The following PSMA1 variants were observed in gnomAD, a reference collection of about 807,000 sequenced individuals.
PSMA1 encodes the protein proteasome 20S subunit alpha 1.
Under a neutral mutation model 38.4 loss-of-function variants are expected in PSMA1, and 3 were observed. The observed-to-expected ratio is 0.08, with a 90% confidence interval of 0.04 to 0.20. The LOEUF (loss-of-function observed/expected upper bound fraction) is 0.20. PSMA1 is among the 10% of genes least tolerant of loss of function. The pLI, the probability that PSMA1 is intolerant of heterozygous loss-of-function variation, is 1.00. For missense variants in PSMA1, 227 were observed against 325.3 expected (o/e 0.70, Z 2.32); for synonymous variants, 101 against 107.1 (o/e 0.94, Z 0.35).
At chr11:14,559,117 G>A (rs1244530551) in intron 2 of PSMA1, among the ~76,000 whole-genome samples, 1 of 152,122 alleles carries the variant, frequency 6.6e-6, no homozygotes, top group Admixed American at 6.5e-5. Context: ...ATGACTCAGA[G>A]TTAGTGAGCA....
chr11:14,560,226 T>C (rs746205115), intron 2 of PSMA1, among the ~76,000 whole-genome samples: 4 of 152,224 alleles, frequency 2.6e-5, no homozygotes, highest in Non-Finnish European at 5.9e-5. Flanking sequence ...TGCTTTGTGT[T>C]GGATCTACTA....
At chr11:14,642,070 T>C (rs942613991) in intron 1 of PSMA1, among the ~76,000 whole-genome samples, 3 of 152,156 alleles carry the variant, frequency 2.0e-5, no homozygotes, top group Non-Finnish European at 4.4e-5. Flanking sequence ...CTACTTTAGA[T>C]GATAACTTCA....
chr11:14,520,989 C>G (rs1272165431), upstream of PSMA1, among the ~76,000 whole-genome samples: 1 of 152,178 alleles, frequency 6.6e-6, no homozygotes, highest in Non-Finnish European at 1.5e-5. Flanking sequence ...TTCCACCAGA[C>G]TTTGAACTCC....
At chr11:14,558,619 G>A (rs779633382) in intron 2 of PSMA1, among the ~76,000 whole-genome samples, 17 of 152,206 alleles carry the variant, frequency 1.1e-4, no homozygotes, top group Non-Finnish European at 2.2e-4. Flanking sequence ...CCTGGAGGTT[G>A]GGGAAAAGTT....
intron 2 of PSMA1, among the ~76,000 whole-genome samples, chr11:14,555,738 C>A (rs1007272582): frequency 1.3e-5 from 2 of 152,178 alleles, no homozygotes; most frequent in African/African-American, 4.8e-5. Context: ...CTTCACCTAT[C>A]CCCATCCTCC....
At chr11:14,614,281 G>T (rs1046096951) in intron 1 of PSMA1, among the ~76,000 whole-genome samples, 1 of 151,928 alleles carries the variant, frequency 6.6e-6, no homozygotes, top group Admixed American at 6.6e-5. Context: ...CTGGTAAGAA[G>T]TGTCATCAGT....
At chr11:14,583,616 C>T (rs149105434) in intron 2 of PSMA1, among the ~76,000 whole-genome samples, 359 of 152,312 alleles carry the variant, frequency 2.4e-3, no homozygotes, top group Admixed American at 7.4e-3. Flanking sequence ...TCATTATATG[C>T]TGCATTTCCA....
chr11:14,617,305 T>C (rs1252796374), intron 1 of PSMA1, among the ~76,000 whole-genome samples: 1 of 152,228 alleles, frequency 6.6e-6, no homozygotes, highest in Non-Finnish European at 1.5e-5. Context: ...GTAGCATCCC[T>C]ATATTTATTA....
intron 2 of PSMA1, among the ~76,000 whole-genome samples, chr11:14,548,013 A>G (rs1466076099): frequency 6.6e-6 from 1 of 151,102 alleles, no homozygotes; most frequent in Non-Finnish European, 1.5e-5. Flanking sequence ...AGATCACTAT[A>G]TACAACACAC....
intron 9 of PSMA1, among the ~76,000 whole-genome samples, chr11:14,506,576 A>C (rs897558125): frequency 1.3e-5 from 2 of 152,176 alleles, no homozygotes; most frequent in African/African-American, 4.8e-5. Flanking sequence ...AACATCTAGC[A>C]AAAAGACCCA....
At chr11:14,521,084 C>G (rs1851520082), upstream of PSMA1, among the ~76,000 whole-genome samples, 1 of 136,468 alleles carries the variant, frequency 7.3e-6, no homozygotes, top group South Asian at 2.4e-4. Flanking sequence ...TGGACACTTT[C>G]TTTCGATTTA....
chr11:14,562,906 T>G (rs553218819), intron 2 of PSMA1, among the ~76,000 whole-genome samples: 20 of 152,224 alleles, frequency 1.3e-4, no homozygotes, highest in Non-Finnish European at 2.8e-4. Context: ...TTATGTCAAG[T>G]TCTGGTTTAT....
At chr11:14,615,369 C>A (rs1852759455) in intron 1 of PSMA1, among the ~76,000 whole-genome samples, 1 of 152,318 alleles carries the variant, frequency 6.6e-6, no homozygotes, top group South Asian at 2.1e-4. Context: ...TAACAGGTTT[C>A]CTTGTCCTCT....
intron 2 of PSMA1, among the ~76,000 whole-genome samples, chr11:14,527,320 C>G (rs896242595): frequency 4.6e-5 from 7 of 152,176 alleles, no homozygotes; most frequent in African/African-American, 1.7e-4. Flanking sequence ...TTCCACCTAT[C>G]AATCTCTTCC....
intron 2 of PSMA1, among the ~76,000 whole-genome samples, chr11:14,596,982 TTCTGCA>T (rs906926414): frequency 3.3e-5 from 5 of 152,216 alleles, no homozygotes; most frequent in Admixed American, 3.3e-4. Context: ...CGAAGGCCTT[TTCTGCA>T]TCTATTGAGA....
chr11:14,561,612 A>T (rs1852008489), intron 2 of PSMA1, among the ~76,000 whole-genome samples: 1 of 151,940 alleles, frequency 6.6e-6, no homozygotes, highest in Non-Finnish European at 1.5e-5. Context: ...CCTCACTCTC[A>T]TGTTACCTAC....
chr11:14,511,912 C>T (rs1456997712), intron 7 of PSMA1, among the ~76,000 whole-genome samples: 2 of 152,104 alleles, frequency 1.3e-5, no homozygotes, highest in Admixed American at 6.5e-5. Flanking sequence ...AGCAAGATTG[C>T]AGGATATAAG....
At chr11:14,567,541 C>T (rs1450586438) in intron 2 of PSMA1, among the ~76,000 whole-genome samples, 1 of 152,166 alleles carries the variant, frequency 6.6e-6, no homozygotes, top group Non-Finnish European at 1.5e-5. Flanking sequence ...ACAGTTCATC[C>T]TCATTATTCA....
At chr11:14,640,119 G>A (rs947027773) in intron 1 of PSMA1, among the ~76,000 whole-genome samples, 1 of 152,168 alleles carries the variant, frequency 6.6e-6, no homozygotes, top group East Asian at 1.9e-4. Context: ...AATGCTGGTA[G>A]AGGGGGGATG....
Sources: gnomAD v4.1 joint callset for allele counts (sites outside exome capture counted in the v4.1 genomes callset) on GRCh38, gnomAD v4.1.1 for gene constraint, MANE v1.5 for transcripts, NCBI Gene and HGNC (gene_info 2026-07-23, HGNC 2026-07-21) for gene names.